The following RYR2 variants were observed in gnomAD, a reference collection of about 807,000 sequenced individuals.
RYR2 encodes cardiac muscle ryanodine receptor-calcium release channel.
Under a neutral mutation model 601.1 loss-of-function variants are expected in RYR2, and 227 were observed. The observed-to-expected ratio is 0.38, with a 90% CI of 0.34 to 0.42. The LOEUF (loss-of-function observed/expected upper bound fraction) is 0.42, where lower values mean the gene tolerates loss of function less well. Among genes scored for constraint, RYR2 ranks in the 10% least tolerant of loss-of-function variants. RYR2 has a pLI of 1.00. For missense variants in RYR2, 4,646 were observed against 6,156.5 expected (o/e 0.75, Z 8.21); for synonymous variants, 2,223 against 2,175.1 (o/e 1.02, Z -0.61).
intron 1 of RYR2, among the ~76,000 whole-genome samples, chr1:237,069,589 A>AT (rs557929760): frequency 2.4e-3 from 369 of 152,242 alleles, no homozygotes; most frequent in African/African-American, 8.4e-3. Flanking sequence ...ATGCTTGATG[A>AT]TTTTTTATCA....
In RYR2 at chr1:237,784,399, G is replaced by A. The variant is rs1695379751; in HGVS notation, c.12687G>A (p.Gln4229=). The change falls in exon 90 of 105, where the codon CAG becomes CAA. Residue 4229 remains glutamine, a synonymous_variant. Transcript: ENST00000366574. This position sits in a 1 kb window ranked among gnomAD's most constrained non-coding sequence, Gnocchi z 7.1. ...EESEKERPEE[Q]GPRMAFFSIL... is the part of the protein sequence containing the mutation. Reference sequence around the variant, plus strand: ...GCGAGAAGGAGAGGCCGGAAGAGCAGGGGCCGAGGATGGCTTTCTTCTCCA... The same window carrying A: ...GCGAGAAGGAGAGGCCGGAAGAGCAAGGGCCGAGGATGGCTTTCTTCTCCA... 3 of 1,613,998 alleles carry A rather than the reference G, an allele frequency of 1.9e-6. No homozygotes were observed. The highest frequency in any genetic ancestry group is 1.3e-5 in the African/African-American group (1 of 75,056).
At chr1:237,749,500 T>C (rs991646924) in intron 80 of RYR2, among the ~76,000 whole-genome samples, 6 of 152,116 alleles carry the variant, frequency 3.9e-5, no homozygotes, top group Non-Finnish European at 5.9e-5. Flanking sequence ...GGGAAGCCCA[T>C]AGATAAACTT....
At chr1:237,759,645 A>G (rs2149272226) in intron 82 of RYR2, 131 bp from the exon 83 acceptor site, 1 of 679,212 alleles carries the variant, frequency 1.5e-6, no homozygotes, top group Non-Finnish European at 2.7e-6. Context: ...TAAAGATGGC[A>G]TTAGTCATGT....
At chr1:237,492,335 A>C (rs1663453460) in intron 18 of RYR2, among the ~76,000 whole-genome samples, 1 of 152,204 alleles carries the variant, frequency 6.6e-6, no homozygotes, top group Non-Finnish European at 1.5e-5. Flanking sequence ...CCTGGGCTTC[A>C]TCTCTTAATC....
At chr1:237,120,432 T>C (rs1451755364) in intron 1 of RYR2, among the ~76,000 whole-genome samples, 5 of 152,330 alleles carry the variant, frequency 3.3e-5, no homozygotes, top group Non-Finnish European at 5.9e-5. Context: ...TGCAAAGCTG[T>C]TCTGAGTCTG....
At chr1:237,054,314 C>CCCTCCCCG (rs1236167888) in intron 1 of RYR2, among the ~76,000 whole-genome samples, 2 of 139,376 alleles carry the variant, frequency 1.4e-5, no homozygotes, top group Non-Finnish European at 3.2e-5. Flanking sequence ...CCCTCTTCTC[C>CCCTCCCCG]CCTCCCCGCC....
Position 237,496,745 on chromosome 1 carries a change from C to G in RYR2, c.2196C>G (p.Leu732=). 6.2e-7 allele frequency: 1 copy of G among 1,613,548 alleles called. No homozygotes were observed. The highest frequency in any genetic ancestry group is 8.5e-7 in the Non-Finnish European group (1 of 1,179,614). The change falls in exon 20 of 105, where the codon CTC becomes CTG. Residue 732 remains leucine (L), a synonymous_variant. Coordinates refer to ENST00000366574, the MANE Select transcript of RYR2 (RefSeq NM_001035.3). ...LFSYGFDGLH[L]WSGCIARTVS... is the part of the protein sequence containing the mutation. Reference sequence around the variant, plus strand: ...CCTATGGATTTGATGGCCTTCATCTCTGGTCAGGTACGTACTATCCATTTT... The same window carrying G: ...CCTATGGATTTGATGGCCTTCATCTGTGGTCAGGTACGTACTATCCATTTT...
At position 237,623,770 on chromosome 1, in the gene RYR2, T is replaced by C. The variant is rs747433387; in HGVS notation, c.5922T>C (p.Asn1974=). 1.2e-6 allele frequency: 2 copies of C among 1,600,280 alleles called. No homozygotes were observed. The highest frequency in any genetic ancestry group is 2.2e-5 in the South Asian group (2 of 90,156). The change falls in exon 39 of 105, where the codon AAT becomes AAC. Residue 1974 remains asparagine (N), a synonymous_variant. Transcript: ENST00000366574. ...EFRSPPQEQI[N]MLLNFKDDKS... ...CTTGTTTTTCAAACTTTCAGATCAATATGCTTCTCAATTTTAAGGATGACA... is the reference window on the plus strand; with the variant it reads ...CTTGTTTTTCAAACTTTCAGATCAACATGCTTCTCAATTTTAAGGATGACA...
chr1:237,135,594 T>C (rs1672684989), intron 1 of RYR2, among the ~76,000 whole-genome samples: 1 of 151,398 alleles, frequency 6.6e-6, no homozygotes, highest in South Asian at 2.1e-4. Context: ...ACCAGAATGG[T>C]CTCGATCTCC....
In RYR2 at chr1:237,330,911, G is replaced by C. The variant is rs752526125; in HGVS notation, c.202G>C (p.Val68Leu). The change falls in exon 3 of 105, where the codon GTG (valine) becomes CTG (leucine). Residue 68 changes from valine (V) to leucine (L), a missense_variant. Coordinates refer to ENST00000366574, the MANE Select transcript of RYR2 (RefSeq NM_001035.3). ...CCCAGACCTCTCCATCTGCACCTTT[G>C]TGCTGGAGCAGTCCCTCTCTGTCCG... ...VPPDLSICTFVLEQSLSVRAL... is the reference protein window; with the variant it reads ...VPPDLSICTFLLEQSLSVRAL... 2 of 1,613,978 alleles carry C rather than the reference G, an allele frequency of 1.2e-6. No homozygotes were observed. Among genetic ancestry groups the C allele is most frequent in the Admixed American group, 1.7e-5 (1 of 60,028 alleles).
At chr1:237,805,352 G>A (rs1277051837) in intron 98 of RYR2, among the ~76,000 whole-genome samples, 1 of 152,088 alleles carries the variant, frequency 6.6e-6, no homozygotes, top group Middle Eastern at 3.4e-3. Flanking sequence ...AGGCCGAGGC[G>A]GGTGGATCAC....
At chr1:237,397,001 A>T (rs1361669458) in intron 10 of RYR2, among the ~76,000 whole-genome samples, 1 of 152,208 alleles carries the variant, frequency 6.6e-6, no homozygotes, top group Non-Finnish European at 1.5e-5. Flanking sequence ...GCAGTGGCTC[A>T]CACCTGTAAT....
intron 101 of RYR2, among the ~76,000 whole-genome samples, chr1:237,822,601 C>A (rs1402721697): frequency 3.3e-5 from 5 of 152,176 alleles, no homozygotes. Context: ...ACCATTGACA[C>A]TATGAAGAAA....
intron 1 of RYR2, among the ~76,000 whole-genome samples, chr1:237,126,227 ACT>A (rs1253994413): frequency 1.5e-5 from 2 of 134,188 alleles, no homozygotes; most frequent in Non-Finnish European, 3.2e-5. Context: ...ACAGAGTAAG[ACT>A]CTGTCTCAAA....
intron 6 of RYR2, 130 bp from the exon 7 acceptor site, chr1:237,374,587 G>A (rs950768445): frequency 1.1e-5 from 8 of 711,642 alleles, no homozygotes; most frequent in African/African-American, 7.0e-5. Context: ...GAGCCCAGGA[G>A]GTTGAGGCTG....
At chr1:237,691,466 C>T (rs1343324756) in intron 63 of RYR2, among the ~76,000 whole-genome samples, 1 of 151,980 alleles carries the variant, frequency 6.6e-6, no homozygotes, top group Non-Finnish European at 1.5e-5. Context: ...CCAAACCTCG[C>T]CTGTGGTTGA....
intron 12 of RYR2, among the ~76,000 whole-genome samples, chr1:237,428,149 G>T (rs573404984): frequency 1.3e-5 from 2 of 152,308 alleles, no homozygotes; most frequent in South Asian, 4.1e-4. Flanking sequence ...TTACATTGTT[G>T]TTGGGAATAT....
intron 19 of RYR2, among the ~76,000 whole-genome samples, chr1:237,493,996 G>A (rs1462075487): frequency 6.6e-6 from 1 of 152,072 alleles, no homozygotes; most frequent in Non-Finnish European, 1.5e-5. Context: ...GAAAAAACTG[G>A]AACTGGAAGT....
At chr1:237,354,290 A>G (rs1264573040) in intron 3 of RYR2, among the ~76,000 whole-genome samples, 5 of 152,100 alleles carry the variant, frequency 3.3e-5, no homozygotes, top group Non-Finnish European at 1.5e-5. Context: ...TCTTGATTAT[A>G]AATTCTTTCT....
Sources: gnomAD v4.1 joint callset for allele counts (sites outside exome capture counted in the v4.1 genomes callset) on GRCh38, gnomAD v4.1.1 for gene constraint, Gnocchi (gnomAD v3.1) non-coding constraint, MANE v1.5 for transcripts, NCBI Gene and HGNC (gene_info 2026-07-23, HGNC 2026-07-21) for gene names.